Variants in TGM4 observed in about 807,000 individuals in gnomAD.
The protein encoded by TGM4 is protein-glutamine gamma-glutamyltransferase 4.
TGM4 carries 61 observed loss-of-function variants against 76.3 expected under a neutral mutation model. The ratio of observed to expected loss-of-function variants is 0.80; its 90% CI spans 0.65 to 0.99. The LOEUF is 0.99. Ranked by LOEUF, TGM4 falls within the 50% of genes least tolerant of loss-of-function variation. The pLI is 0.00. For synonymous variants in TGM4, 337 were observed against 329.8 expected, an observed-to-expected ratio of 1.02 and a Z score of -0.24; for missense variants, 794 against 843.2, an observed-to-expected ratio of 0.94 and a Z score of 0.72.
intron 2 of TGM4, 92 bp from the exon 3 acceptor site, chr3:44,887,597 C>T: frequency 1.7e-6 from 2 of 1,153,052 alleles, no homozygotes; most frequent in South Asian, 1.5e-5. Context: ...GGTGGGGGCT[C>T]CATGAGTGGG....
chr3:44,884,429 T>A (rs182105158), intron 1 of TGM4, among the ~76,000 whole-genome samples: 1 of 152,344 alleles, frequency 6.6e-6, no homozygotes, highest in East Asian at 1.9e-4. Context: ...ATTATGCATG[T>A]GGAGATTATT....
At chr3:44,894,518 A>T (rs1292608527) in intron 5 of TGM4, among the ~76,000 whole-genome samples, 1 of 150,202 alleles carries the variant, frequency 6.7e-6, no homozygotes, top group Non-Finnish European at 1.5e-5. Context: ...AGAGCTCTAA[A>T]GAAGAGGGAG....
intron 5 of TGM4, 105 bp downstream of exon 5, chr3:44,893,800 G>T (rs1337890920): frequency 1.7e-5 from 18 of 1,033,560 alleles, no homozygotes; most frequent in Non-Finnish European, 2.7e-5. Context: ...TGTGAACCTC[G>T]GGTCAAACGC....
chr3:44,910,551 A>C (rs2242476), intron 11 of TGM4, among the ~76,000 whole-genome samples, 183 bp downstream of exon 11: 13 of 152,020 alleles, frequency 8.6e-5, no homozygotes, highest in South Asian at 2.1e-4. Context: ...AAGAAAAGTG[A>C]GCCAAAGAGA....
intron 2 of TGM4, 134 bp downstream of exon 2, chr3:44,885,632 A>G: frequency 1.1e-6 from 1 of 932,366 alleles, no homozygotes; most frequent in Admixed American, 2.9e-5. Flanking sequence ...CTCCATCTGT[A>G]ATGTGGGAAT....
chr3:44,904,040 C>T, intron 9 of TGM4, 53 bp downstream of exon 9: 2 of 1,507,658 alleles, frequency 1.3e-6, no homozygotes. Context: ...CCTTACATGG[C>T]CCAGGGTTCT....
In TGM4 at chr3:44,903,935, G is replaced by A. The variant is rs757299457; in HGVS notation, c.1023G>A (p.Lys341=). 2.9e-5 allele frequency: 47 copies of A among 1,614,080 alleles called. No individual in the cohort carries two copies. The Admixed American group carries it at 7.7e-4, about 26-fold the overall frequency. The change falls in exon 9 of 14, where the codon AAG becomes AAA. Residue 341 remains lysine (K), a synonymous_variant. Coordinates refer to ENST00000296125, the MANE Select transcript of TGM4 (RefSeq NM_003241.4). ...DAWMKRPDLP[K]GYDGWQAVDA... is the part of the protein sequence containing the mutation. The stretch of plus-strand genomic sequence containing the variant: ...GGATGAAGCGACCGGATCTGCCCAA[G>A]GGCTACGACGGCTGGCAGGCTGTGG...
At chr3:44,892,119 C>T (rs76888173) in intron 4 of TGM4, among the ~76,000 whole-genome samples, 1 of 151,048 alleles carries the variant, frequency 6.6e-6, no homozygotes, top group African/African-American at 2.4e-5. Context: ...TTAGCTGGGC[C>T]TGGTGGCATG....
chr3:44,913,845 A>G lies in TGM4; in HGVS notation c.*120A>G. The G allele has an allele frequency of 7.2e-7, 1 of 1,390,028 alleles. No individual in the cohort carries two copies. The highest frequency in any genetic ancestry group is 1.4e-5 in the South Asian group (1 of 70,478). The allele number at this position is 1,390,028 out of a possible 1,614,324, so 86.1% of individuals were successfully genotyped here. A position where few individuals can be genotyped will look rare whatever the true frequency, so the allele number is the denominator to read the frequency against. ...TATGAGGGCAGATTCAAGAGCCAGCAGGTCAAAAAGGCCAACACAACCATA... is the reference window on the plus strand; with the variant it reads ...TATGAGGGCAGATTCAAGAGCCAGCGGGTCAAAAAGGCCAACACAACCATA... On this transcript the variant is annotated 3_prime_UTR_variant, in exon 14 of 14. Transcript: ENST00000296125.
Position 44,910,194 on chromosome 3 carries a change from C to A in TGM4, c.1432C>A (p.Gln478Lys). ...AGAGAACTTTCTTCACATGTCGGTA[C>A]AATCAGATGATGTGCTGCTGGGAAA... is the stretch of plus-strand genomic sequence containing the variant. ...VKENFLHMSV[Q>K]SDDVLLGNSV... The change falls in exon 11 of 14, where the codon CAA becomes AAA. Residue 478 changes from glutamine to lysine, a missense_variant. Coordinates refer to ENST00000296125, the MANE Select transcript of TGM4 (RefSeq NM_003241.4). 6.2e-7 allele frequency: 1 copy of A among 1,614,184 alleles called. No homozygotes were observed. The highest frequency in any genetic ancestry group is 1.1e-5 in the South Asian group (1 of 91,084).
chr3:44,880,989 A>G (rs890254108), intron 1 of TGM4, among the ~76,000 whole-genome samples: 1 of 152,124 alleles, frequency 6.6e-6, no homozygotes, highest in Non-Finnish European at 1.5e-5. Flanking sequence ...AGGCTGAGGC[A>G]GGAGGATCGC....
intron 1 of TGM4, among the ~76,000 whole-genome samples, chr3:44,875,393 C>A (rs1168894242): frequency 6.6e-6 from 1 of 152,216 alleles, no homozygotes; most frequent in Non-Finnish European, 1.5e-5. Context: ...CCTGTCCTTT[C>A]TCAAGGTCAC....
At position 44,896,756 on chromosome 3, in the gene TGM4, C is replaced by A; in HGVS notation, c.597C>A (p.Ser199Arg). Reference protein sequence around the residue: ...LDCCISLLTESSLKPTDRRDP... With the variant: ...LDCCISLLTERSLKPTDRRDP... ...GCTGCATTTCCCTGCTGACTGAGAG[C>A]TCCCTCAAGCCCACAGATAGGAGGG... Residue 199 changes from serine (S) to arginine (R), a missense_variant, in exon 6 of 14, where the codon AGC becomes AGA. By Grantham distance (110) the Ser-to-Arg change is moderately radical. Coordinates refer to ENST00000296125, the MANE Select transcript of TGM4 (RefSeq NM_003241.4). 1 of 1,614,184 alleles carries A rather than the reference C, an allele frequency of 6.2e-7. No homozygotes were observed. Among genetic ancestry groups the A allele is most frequent in the Non-Finnish European group, 8.5e-7 (1 of 1,180,042 alleles).
intron 1 of TGM4, among the ~76,000 whole-genome samples, chr3:44,877,619 C>T (rs1478219593): frequency 1.3e-5 from 2 of 151,378 alleles, no homozygotes; most frequent in African/African-American, 2.4e-5. Flanking sequence ...TATATAAAAG[C>T]AAAACAGCAA....
chr3:44,879,025 C>A (rs116263257), intron 1 of TGM4, among the ~76,000 whole-genome samples: 3 of 151,780 alleles, frequency 2.0e-5, no homozygotes, highest in Non-Finnish European at 2.9e-5. Context: ...TATTTGTTTC[C>A]AGTCTATTTT....
chr3:44,909,913 G>T (rs1229620468), intron 10 of TGM4, among the ~76,000 whole-genome samples, 177 bp from the exon 11 acceptor site: 1 of 152,178 alleles, frequency 6.6e-6, no homozygotes, highest in African/African-American at 2.4e-5. Flanking sequence ...GTCAGAATGT[G>T]CTATTGCTTA....
At chr3:44,886,430 T>C (rs770070144) in intron 2 of TGM4, among the ~76,000 whole-genome samples, 7 of 152,140 alleles carry the variant, frequency 4.6e-5, no homozygotes, top group African/African-American at 9.7e-5. Flanking sequence ...CTTCTCTGAG[T>C]GAACAACAGG....
intron 5 of TGM4, among the ~76,000 whole-genome samples, chr3:44,895,359 G>T (rs982424589): frequency 3.9e-5 from 6 of 152,174 alleles, no homozygotes. Context: ...GGGTATGGAG[G>T]CTCACACCTG....
chr3:44,902,113 C>A (rs1699863337), intron 8 of TGM4, among the ~76,000 whole-genome samples, 182 bp downstream of exon 8: 1 of 152,192 alleles, frequency 6.6e-6, no homozygotes, highest in African/African-American at 2.4e-5. Flanking sequence ...GCGTGGCATC[C>A]CAGGAGTTTT....
Sources: allele counts gnomAD v4.1 joint callset (sites outside exome capture counted in the v4.1 genomes callset), GRCh38; gene constraint gnomAD v4.1.1; transcripts MANE v1.5; gene names NCBI Gene and HGNC (gene_info 2026-07-23, HGNC 2026-07-21).